Variants in PCLO observed in about 807,000 individuals in gnomAD.
PCLO encodes piccolo presynaptic cytomatrix protein, also known as protein piccolo.
Under a neutral mutation model 427.5 loss-of-function variants are expected in PCLO, and 82 were observed. The observed-to-expected ratio is 0.19, with a 90% CI of 0.16 to 0.23. PCLO has a LOEUF of 0.23. Ranked by LOEUF, PCLO falls within the 10% of genes least tolerant of loss-of-function variation. The pLI is 1.00. For synonymous variants in PCLO, 2,357 were observed against 2,155.4 expected, an observed-to-expected ratio of 1.09 and a Z score of -2.59; for missense variants, 6,239 against 6,115.9, an observed-to-expected ratio of 1.02 and a Z score of -0.67.
chr7:82,902,441 G>T (rs528785615), intron 9 of PCLO, among the ~76,000 whole-genome samples: 5 of 152,016 alleles, frequency 3.3e-5, no homozygotes, highest in Non-Finnish European at 5.9e-5. Flanking sequence ...TGAGGGAAGG[G>T]GGGAGGGATA....
At chr7:82,821,040 A>C (rs1327101399) in intron 20 of PCLO, 2 of 1,190,710 alleles carry the variant, frequency 1.7e-6, no homozygotes, top group Non-Finnish European at 2.1e-6. Context: ...ACAATCTCTA[A>C]AAATTAAAGA....
intron 16 of PCLO, among the ~76,000 whole-genome samples, chr7:82,834,346 C>A (rs960392004): frequency 6.6e-6 from 1 of 152,084 alleles, no homozygotes; most frequent in Non-Finnish European, 1.5e-5. Flanking sequence ...AGAGAACCAG[C>A]CATAACAAGG....
intron 21 of PCLO, among the ~76,000 whole-genome samples, chr7:82,804,306 T>C (rs1791416157): frequency 6.6e-6 from 1 of 152,058 alleles, no homozygotes; most frequent in Admixed American, 6.5e-5. Context: ...AAAGCTAAGA[T>C]GGACAGGTGA....
intron 2 of PCLO, among the ~76,000 whole-genome samples, chr7:83,140,333 A>C (rs1791830189): frequency 6.6e-6 from 1 of 152,124 alleles, no homozygotes; most frequent in South Asian, 2.1e-4. Flanking sequence ...TCCCCTTCAA[A>C]CCTCAATGCC....
Position 83,141,415 on chromosome 7 carries a change from G to A in PCLO, c.1894-5759C>T, listed in dbSNP as rs1303048622. Reference sequence around the variant, plus strand: ...AGAAGGTGCATAAATGAAATTCAAGGTGTGAAGATACAACTGTTTAGTGAG... The same window carrying A: ...AGAAGGTGCATAAATGAAATTCAAGATGTGAAGATACAACTGTTTAGTGAG... On this transcript the variant is annotated intron_variant, in intron 2 of 24. Transcript: ENST00000333891. Among the ~76,000 whole-genome samples the A allele has an allele frequency of 2.0e-5, 3 of 152,170 alleles. No individual in the cohort carries two copies. In the South Asian group the frequency reaches 6.2e-4, roughly 31 times the overall value.
At position 82,766,876 on chromosome 7, in the gene PCLO, A is replaced by T. The variant is rs556013362; in HGVS notation, c.15008-5383T>A. On this transcript the variant is annotated intron_variant, in intron 22 of 24. Coordinates refer to ENST00000333891, the MANE Select transcript of PCLO (RefSeq NM_033026.6). Reference sequence around the variant, plus strand: ...GTGTGATACTTGTGAAATTTTTTTTATAAGTTTCTCTCTGTTCAAAGATTG... The same window carrying T: ...GTGTGATACTTGTGAAATTTTTTTTTTAAGTTTCTCTCTGTTCAAAGATTG... Among the ~76,000 whole-genome samples, 4 of 152,216 alleles carry T rather than the reference A, an allele frequency of 2.6e-5. No individual in the cohort carries two copies. The East Asian group carries it at 5.8e-4, about 22-fold the overall frequency.
In PCLO at chr7:83,134,975, G is replaced by T; in HGVS notation, c.2575C>A (p.Gln859Lys). Residue 859 changes from glutamine (Q) to lysine (K), a missense_variant, in exon 3 of 25, where the codon CAA becomes AAA. Physicochemically the swap from Gln to Lys is moderately conservative, Grantham distance 53 (BLOSUM62 1). Around this residue, in one of 5 missense-constraint regions of PCLO, gnomAD observed 4,677 missense variants for 4,468.4 expected, o/e 1.05. Transcript: ENST00000333891. The stretch of plus-strand genomic sequence containing the variant: ...TCTGGTTTAGGACTCATTTTGGTTT[G>T]TGCTTTCTTGGGTTCTTCCTTCTTT... ...VQKKEEPKKA[Q>K]TKMSPKPDAK... 2 of 1,612,914 alleles carry T rather than the reference G, an allele frequency of 1.2e-6. No individual in the cohort carries two copies. The highest frequency in any genetic ancestry group is 1.7e-6 in the Non-Finnish European group (2 of 1,179,560).
At chr7:82,916,912 A>T (rs766042009) in intron 6 of PCLO, 39 bp from the exon 7 acceptor site, 1 of 1,399,250 alleles carries the variant, frequency 7.1e-7, no homozygotes, top group Non-Finnish European at 9.6e-7. Context: ...TTTAGTATAA[A>T]GAAAAATAAA....
Position 82,955,124 on chromosome 7 carries a change from T to C in PCLO, c.5829A>G (p.Lys1943=). ...AANERDEVFE[K]EPLYGGMLIE... Reference sequence around the variant, plus strand: ...TTAGCATCCCACCATACAAAGGCTCTTTTTCAAACACTTCATCTCGTTCAT... The same window carrying C: ...TTAGCATCCCACCATACAAAGGCTCCTTTTCAAACACTTCATCTCGTTCAT... Residue 1943 remains lysine (K), a synonymous_variant, in exon 5 of 25, where the codon AAA becomes AAG. Transcript: ENST00000333891. 6.2e-7 allele frequency: 1 copy of C among 1,613,764 alleles called. No individual in the cohort carries two copies. Among genetic ancestry groups the C allele is most frequent in the Non-Finnish European group, 8.5e-7 (1 of 1,179,816 alleles).
intron 6 of PCLO, among the ~76,000 whole-genome samples, chr7:82,935,947 A>G (rs1395332300): frequency 6.6e-6 from 1 of 151,702 alleles, no homozygotes; most frequent in Admixed American, 6.6e-5. Flanking sequence ...GTTCTAATGT[A>G]AAGTAAGAAA....
chr7:83,155,474 C>T lies in PCLO; in HGVS notation c.1167G>A (p.Lys389=), dbSNP rs1435606693. 3.7e-6 allele frequency: 6 copies of T among 1,613,194 alleles called. No individual in the cohort carries two copies. The South Asian group carries it at 5.5e-5, about 15-fold the overall frequency. ...CAACTCCAGGAGGCTGAGCTAAAGC[C>T]TTTGGCCCAGGCTGCTCCGATGAAG... The part of the protein sequence containing the change: ...EKPSSEQPGP[K]ALAQPPGVGK... Residue 389 remains lysine, a synonymous_variant, in exon 2 of 25, where the codon AAG becomes AAA. Coordinates refer to ENST00000333891, the MANE Select transcript of PCLO (RefSeq NM_033026.6).
intron 22 of PCLO, among the ~76,000 whole-genome samples, chr7:82,793,510 G>T (rs1409802766): frequency 6.6e-6 from 1 of 152,088 alleles, no homozygotes; most frequent in African/African-American, 2.4e-5. Context: ...TCGAAATTGG[G>T]TTTTCAGGGC....
At chr7:82,854,655 A>G (rs1405980892) in intron 10 of PCLO, among the ~76,000 whole-genome samples, 2 of 152,134 alleles carry the variant, frequency 1.3e-5, no homozygotes, top group South Asian at 2.1e-4. Flanking sequence ...CTATGATAAT[A>G]TACTCTGTTT....
intron 9 of PCLO, among the ~76,000 whole-genome samples, chr7:82,893,615 A>G (rs1299818783): frequency 6.6e-6 from 1 of 152,014 alleles, no homozygotes; most frequent in African/African-American, 2.4e-5. Context: ...ATAATTCTAT[A>G]ACAGGATTAG....
intron 22 of PCLO, among the ~76,000 whole-genome samples, chr7:82,783,700 T>C (rs945163228): frequency 1.1e-4 from 16 of 152,220 alleles, no homozygotes; most frequent in African/African-American, 3.9e-4. Flanking sequence ...TCAATATTGT[T>C]TTTAAATTAA....
intron 3 of PCLO, among the ~76,000 whole-genome samples, chr7:83,036,016 T>C (rs575260570): frequency 5.9e-5 from 9 of 152,292 alleles, no homozygotes; most frequent in Non-Finnish European, 1.2e-4. Context: ...ACTGTATATC[T>C]TTATGTTTCC....
intron 20 of PCLO, chr7:82,820,539 C>A: frequency 2.4e-6 from 3 of 1,224,498 alleles, no homozygotes; most frequent in Non-Finnish European, 3.0e-6. Flanking sequence ...ACATGCCCAA[C>A]ACATCTGATA....
Position 82,882,752 on chromosome 7 carries a change from T to C in PCLO, c.13529-3290A>G, listed in dbSNP as rs1423520807. Reference sequence around the variant, plus strand: ...TTACAATTTAAGTCTCTATGTACATTATAAGTATTTGATAAATATGCTACT... The same window carrying C: ...TTACAATTTAAGTCTCTATGTACATCATAAGTATTTGATAAATATGCTACT... On this transcript the variant is annotated intron_variant, in intron 9 of 24. Transcript: ENST00000333891. Among the ~76,000 whole-genome samples the C allele has an allele frequency of 3.3e-5, 5 of 152,250 alleles. No individual in the cohort carries two copies. The South Asian group carries it at 8.3e-4, about 25-fold the overall frequency.
chr7:82,805,729 G>T lies in PCLO; in HGVS notation c.14892C>A (p.Ser4964Arg). 6.2e-7 allele frequency: 1 copy of T among 1,612,750 alleles called. No individual in the cohort carries two copies. Residue 4964 changes from serine (S) to arginine (R), a missense_variant, in exon 21 of 25, where the codon AGC becomes AGA. Physicochemically the swap from Ser to Arg is moderately radical, Grantham distance 110 (BLOSUM62 -1). Coordinates refer to ENST00000333891, the MANE Select transcript of PCLO (RefSeq NM_033026.6). ...ATAGATTAGTCTCCCCTGCAGTGCT[G>T]CTGCTTCCTTCACTGTCCACGCTAT... ...SGYSVDSEGS[S>R]STAGETNLFP...
Sources: gnomAD v4.1 joint callset for allele counts (sites outside exome capture counted in the v4.1 genomes callset) on GRCh38, gnomAD v4.1.1 for gene constraint, gnomAD v4.1.1 regional missense constraint, MANE v1.5 for transcripts, NCBI Gene and HGNC (gene_info 2026-07-23, HGNC 2026-07-21) for gene names.